FGF14: variants seen among roughly 807,000 people sequenced by gnomAD.
The protein encoded by FGF14 is fibroblast growth factor homologous factor 4.
FGF14 carries 5 observed loss-of-function variants against 25.5 expected under a neutral mutation model. The observed-to-expected ratio is 0.20, with a 90% confidence interval of 0.10 to 0.41. FGF14 has a LOEUF of 0.41. Among genes scored for constraint, FGF14 ranks in the 10% least tolerant of loss-of-function variants. The pLI, the probability that FGF14 is intolerant of heterozygous loss-of-function variation, is 1.00. For missense variants in FGF14, 222 were observed against 320.1 expected, an observed-to-expected ratio of 0.69 and a Z score of 2.34; for synonymous variants, 138 against 118.3, an observed-to-expected ratio of 1.17 and a Z score of -1.08.
intron 1 of FGF14, among the ~76,000 whole-genome samples, chr13:101,954,519 G>T (rs967996932): frequency 2.0e-5 from 3 of 152,204 alleles, no homozygotes; most frequent in Non-Finnish European, 2.9e-5. Flanking sequence ...CTTTATGCTT[G>T]CAAGAAGTTA....
intron 3 of FGF14, among the ~76,000 whole-genome samples, chr13:101,791,423 A>C (rs553204086): frequency 1.3e-5 from 2 of 152,262 alleles, no homozygotes; most frequent in South Asian, 4.1e-4. Context: ...GTCTCACCTT[A>C]TTTCCTCTGG....
intron 1 of FGF14, among the ~76,000 whole-genome samples, chr13:102,096,008 T>C (rs1291965358): frequency 6.7e-6 from 1 of 149,720 alleles, no homozygotes; most frequent in African/African-American, 2.4e-5. Context: ...TGTGTATATA[T>C]ATATATATAA....
At chr13:101,876,972 G>T (rs909779976) in intron 1 of FGF14, among the ~76,000 whole-genome samples, 1 of 151,998 alleles carries the variant, frequency 6.6e-6, no homozygotes, top group African/African-American at 2.4e-5. Flanking sequence ...ATGAAAAAGA[G>T]AATTTTTTAT....
intron 1 of FGF14, among the ~76,000 whole-genome samples, chr13:102,350,861 T>C (rs1054733048): frequency 2.6e-5 from 4 of 152,220 alleles, no homozygotes; most frequent in Admixed American, 1.3e-4. Context: ...GCAAGCTTTC[T>C]ACATAAGCGT....
chr13:102,274,121 T>C (rs936926874), intron 1 of FGF14, among the ~76,000 whole-genome samples: 4 of 152,138 alleles, frequency 2.6e-5, no homozygotes, highest in Non-Finnish European at 4.4e-5. Context: ...ACGTAGCAAA[T>C]GTTCTATCGT....
chr13:102,199,593 C>A (rs1012463653), intron 1 of FGF14, among the ~76,000 whole-genome samples: 1 of 152,132 alleles, frequency 6.6e-6, no homozygotes, highest in Non-Finnish European at 1.5e-5. Context: ...GTCTATCCAG[C>A]CTCTTCTTTT....
chr13:102,269,127 C>A (rs1379116059), intron 1 of FGF14, among the ~76,000 whole-genome samples: 2 of 152,086 alleles, frequency 1.3e-5, no homozygotes, highest in African/African-American at 4.8e-5. Flanking sequence ...TTGTTTGGCA[C>A]AAATATTGGA....
At chr13:102,173,839 GA>G (rs1247722188) in intron 1 of FGF14, among the ~76,000 whole-genome samples, 5 of 152,038 alleles carry the variant, frequency 3.3e-5, no homozygotes, top group Non-Finnish European at 7.4e-5. Flanking sequence ...GGGGGTATGG[GA>G]AGTTGTTCAA....
intron 3 of FGF14, among the ~76,000 whole-genome samples, chr13:101,826,265 C>T (rs1197118198): frequency 6.6e-6 from 1 of 152,028 alleles, no homozygotes; most frequent in African/African-American, 2.4e-5. Flanking sequence ...TCCCCCCGTC[C>T]CCGATACACA....
At chr13:101,952,965 T>C (rs1022883456) in intron 1 of FGF14, among the ~76,000 whole-genome samples, 1 of 151,870 alleles carries the variant, frequency 6.6e-6, no homozygotes, top group African/African-American at 2.4e-5. Context: ...ACCCGGGAGG[T>C]AGAGGTTGCA....
chr13:102,205,607 G>C (rs1354887610), intron 1 of FGF14, among the ~76,000 whole-genome samples: 1 of 151,844 alleles, frequency 6.6e-6, no homozygotes, highest in African/African-American at 2.4e-5. Context: ...TGATAGCCTG[G>C]TATATATTCT....
At chr13:102,008,930 C>T (rs2039942046) in intron 1 of FGF14, among the ~76,000 whole-genome samples, 1 of 151,970 alleles carries the variant, frequency 6.6e-6, no homozygotes, top group South Asian at 2.1e-4. Flanking sequence ...TGTATTATAT[C>T]CTTAATAAAA....
chr13:102,142,887 T>C (rs1566739203), intron 1 of FGF14, among the ~76,000 whole-genome samples: 1 of 151,416 alleles, frequency 6.6e-6, no homozygotes, highest in South Asian at 2.1e-4. Context: ...TCCCTTCCAA[T>C]GTTTCCTTTA....
At chr13:102,332,245 C>T (rs1444188699) in intron 1 of FGF14, among the ~76,000 whole-genome samples, 2 of 151,862 alleles carry the variant, frequency 1.3e-5, no homozygotes, top group East Asian at 3.9e-4. Flanking sequence ...AGATCACATT[C>T]TATTTCAATA....
chr13:102,065,774 T>G (rs1270163471), intron 1 of FGF14, among the ~76,000 whole-genome samples: 1 of 151,956 alleles, frequency 6.6e-6, no homozygotes, highest in Non-Finnish European at 1.5e-5. Context: ...GTATATTATA[T>G]ATTTGTAAAT....
chr13:101,955,968 C>T lies in FGF14; in HGVS notation c.209-80672G>A, dbSNP rs145641924. On this transcript the variant is annotated intron_variant, in intron 1 of 4. Coordinates refer to the FGF14 transcript ENST00000376131. ...GCAGAGGGGCAAGAAACAAGTCCCACGTTTTCACTTTCACTTTTCATTTAA... is the reference window on the plus strand; with the variant it reads ...GCAGAGGGGCAAGAAACAAGTCCCATGTTTTCACTTTCACTTTTCATTTAA... Among the ~76,000 whole-genome samples, 233 of 152,292 alleles carry T rather than the reference C, an allele frequency of 1.5e-3. 2 individuals carry two copies. Among genetic ancestry groups the T allele is most frequent in the Non-Finnish European group, 1.3e-3 (90 of 68,010 alleles).
intron 1 of FGF14, among the ~76,000 whole-genome samples, chr13:102,384,965 T>C: frequency 6.6e-6 from 1 of 152,184 alleles, no homozygotes; most frequent in East Asian, 1.9e-4. Context: ...AAAAGATTAA[T>C]AAGGAGATAT....
intron 1 of FGF14, among the ~76,000 whole-genome samples, chr13:102,188,135 T>C (rs2048946651): frequency 6.6e-6 from 1 of 152,182 alleles, no homozygotes; most frequent in Non-Finnish European, 1.5e-5. Context: ...TAAATATCCA[T>C]CTCCTTTATT....
At chr13:102,305,366 TCTG>T (rs1162947854) in intron 1 of FGF14, among the ~76,000 whole-genome samples, 5 of 152,188 alleles carry the variant, frequency 3.3e-5, no homozygotes, top group African/African-American at 1.2e-4. Context: ...AGCATAATTT[TCTG>T]CTGTTAATGC....
Sources: allele counts gnomAD v4.1 joint callset (sites outside exome capture counted in the v4.1 genomes callset), GRCh38; gene constraint gnomAD v4.1.1; transcripts MANE v1.5; gene names NCBI Gene and HGNC (gene_info 2026-07-23, HGNC 2026-07-21).